The following CTNNA3 variants were observed in gnomAD, a reference collection of about 807,000 sequenced individuals.
CTNNA3 encodes the protein catenin alpha-3.
Under a neutral mutation model 95.7 loss-of-function variants are expected in CTNNA3, and 76 were observed. The ratio of observed to expected loss-of-function variants is 0.79; its 90% confidence interval spans 0.66 to 0.96. The LOEUF (loss-of-function observed/expected upper bound fraction) is 0.96, where lower values mean the gene tolerates loss of function less well. Among genes scored for constraint, CTNNA3 ranks in the 40% least tolerant of loss-of-function variants. CTNNA3 has a pLI of 0.00. For synonymous variants in CTNNA3, 431 were observed against 374.4 expected (o/e 1.15, Z -1.74); for missense variants, 1,191 against 1,089.8 (o/e 1.09, Z -1.31).
At chr10:66,052,598 G>T (rs921970172) in intron 15 of CTNNA3, among the ~76,000 whole-genome samples, 3 of 152,064 alleles carry the variant, frequency 2.0e-5, no homozygotes, top group African/African-American at 7.2e-5. Context: ...GTTTCTCTGA[G>T]GATCCCTCCC....
At chr10:66,725,123 T>C (rs1321497121) in intron 9 of CTNNA3, among the ~76,000 whole-genome samples, 3 of 152,160 alleles carry the variant, frequency 2.0e-5, no homozygotes, top group Non-Finnish European at 4.4e-5. Flanking sequence ...CTGCATTGTA[T>C]AGGGAATAAT....
At chr10:66,236,398 A>C (rs1177712517) in intron 13 of CTNNA3, among the ~76,000 whole-genome samples, 2 of 152,206 alleles carry the variant, frequency 1.3e-5, no homozygotes, top group Non-Finnish European at 2.9e-5. Flanking sequence ...GACAGATTGA[A>C]TATATTTTGA....
At chr10:67,357,109 A>C (rs1452656586) in intron 5 of CTNNA3, among the ~76,000 whole-genome samples, 1 of 152,118 alleles carries the variant, frequency 6.6e-6, no homozygotes, top group Non-Finnish European at 1.5e-5. Flanking sequence ...CATATCTAGC[A>C]GCCTAGCATT....
At chr10:67,427,553 T>G (rs962352151) in intron 5 of CTNNA3, among the ~76,000 whole-genome samples, 5 of 152,036 alleles carry the variant, frequency 3.3e-5, no homozygotes, top group African/African-American at 9.7e-5. Context: ...AGATTATTTT[T>G]CCTCTCAACT....
chr10:66,532,661 G>A (rs1436023283), intron 10 of CTNNA3, among the ~76,000 whole-genome samples: 2 of 152,076 alleles, frequency 1.3e-5, no homozygotes, highest in Non-Finnish European at 2.9e-5. Flanking sequence ...CATAAGACAG[G>A]AGAAACTCAG....
intron 14 of CTNNA3, among the ~76,000 whole-genome samples, chr10:66,087,760 T>C (rs1001123899): frequency 3.9e-5 from 6 of 152,144 alleles, no homozygotes; most frequent in African/African-American, 1.4e-4. Context: ...AAATCTATTC[T>C]GCAATTCTAT....
intron 11 of CTNNA3, among the ~76,000 whole-genome samples, chr10:66,422,882 G>A (rs556487362): frequency 4.9e-5 from 7 of 143,040 alleles, no homozygotes; most frequent in South Asian, 4.6e-4. Flanking sequence ...CACCTCCCTC[G>A]GCCTACCAAA....
At chr10:66,130,110 C>T (rs970209486) in intron 13 of CTNNA3, among the ~76,000 whole-genome samples, 1 of 152,178 alleles carries the variant, frequency 6.6e-6, no homozygotes, top group African/African-American at 2.4e-5. Context: ...GCCCCCAGCC[C>T]TGAGCGGCCA....
chr10:66,937,365 A>C (rs1250139696), intron 7 of CTNNA3, among the ~76,000 whole-genome samples: 3 of 152,204 alleles, frequency 2.0e-5, no homozygotes, highest in African/African-American at 7.2e-5. Flanking sequence ...TCTAATACTC[A>C]TAAAGATCCT....
intron 9 of CTNNA3, among the ~76,000 whole-genome samples, chr10:66,719,620 A>G (rs1848562261): frequency 6.6e-6 from 1 of 152,166 alleles, no homozygotes; most frequent in Admixed American, 6.5e-5. Context: ...AGACCAGGGT[A>G]ACCAGAAGCA....
At chr10:66,197,328 A>G (rs983075042) in intron 13 of CTNNA3, among the ~76,000 whole-genome samples, 3 of 147,042 alleles carry the variant, frequency 2.0e-5, no homozygotes, top group African/African-American at 5.0e-5. Flanking sequence ...TAAGAACTCA[A>G]TCCAAATCTC....
intron 11 of CTNNA3, among the ~76,000 whole-genome samples, chr10:66,514,123 T>C (rs750360068): frequency 6.6e-6 from 1 of 152,206 alleles, no homozygotes; most frequent in East Asian, 1.9e-4. Flanking sequence ...ATGCTGAAAG[T>C]TATTTTTTCA....
At chr10:66,157,425 GTAGGTAGA>G (rs1053206349) in intron 13 of CTNNA3, among the ~76,000 whole-genome samples, 16 of 149,714 alleles carry the variant, frequency 1.1e-4, no homozygotes, top group African/African-American at 3.0e-4. Context: ...AGGTAGGTAG[GTAGGTAGA>G]TAGATAGATA....
At chr10:67,355,063 A>T (rs2132654496) in intron 5 of CTNNA3, among the ~76,000 whole-genome samples, 1 of 152,136 alleles carries the variant, frequency 6.6e-6, no homozygotes, top group African/African-American at 2.4e-5. Flanking sequence ...ATTAACATTG[A>T]TTTATTTATT....
intron 13 of CTNNA3, among the ~76,000 whole-genome samples, chr10:66,231,647 CAAAAT>C (rs1157990095): frequency 6.6e-6 from 1 of 151,950 alleles, no homozygotes; most frequent in Non-Finnish European, 1.5e-5. Context: ...AAAGGGAAAA[CAAAAT>C]AAAATATCTG....
intron 15 of CTNNA3, among the ~76,000 whole-genome samples, chr10:66,024,129 G>A (rs181993613): frequency 9.0e-4 from 105 of 116,756 alleles, no homozygotes; most frequent in Middle Eastern, 0.018. Flanking sequence ...TCGCTCTGTC[G>A]CCCAGGCTGG....
intron 5 of CTNNA3, among the ~76,000 whole-genome samples, chr10:67,507,233 A>C (rs1397624704): frequency 6.6e-6 from 1 of 152,224 alleles, no homozygotes; most frequent in Non-Finnish European, 1.5e-5. Context: ...ATAATGAGTA[A>C]GAAAATTAAA....
chr10:67,381,580 C>A (rs554825000), intron 5 of CTNNA3, among the ~76,000 whole-genome samples: 1 of 152,238 alleles, frequency 6.6e-6, no homozygotes, highest in Non-Finnish European at 1.5e-5. Context: ...AAATGTACCA[C>A]CCTCTCCTCA....
At chr10:67,175,754 A>G (rs980817167) in intron 7 of CTNNA3, among the ~76,000 whole-genome samples, 2 of 152,196 alleles carry the variant, frequency 1.3e-5, no homozygotes, top group Non-Finnish European at 1.5e-5. Flanking sequence ...CAACCCAACT[A>G]CAACAATATG....
Sources: allele counts gnomAD v4.1 joint callset (sites outside exome capture counted in the v4.1 genomes callset), GRCh38; gene constraint gnomAD v4.1.1; transcripts MANE v1.5; gene names NCBI Gene and HGNC (gene_info 2026-07-23, HGNC 2026-07-21).